CALN1: variants seen among roughly 807,000 people sequenced by gnomAD.
CALN1 encodes calcium-binding protein 8.
Under a neutral mutation model 30.6 loss-of-function variants are expected in CALN1, and 17 were observed. The observed-to-expected ratio is 0.56, with a 90% CI of 0.38 to 0.83. CALN1 has a LOEUF of 0.83. Ranked by LOEUF, CALN1 falls within the 40% of genes least tolerant of loss-of-function variation. The probability of loss-of-function intolerance (pLI) is 0.00; values close to 1 mark genes in which losing one functional copy is unlikely to be tolerated. For synonymous variants in CALN1, 156 were observed against 131.4 expected (o/e 1.19, Z -1.28); for missense variants, 291 against 354.9 (o/e 0.82, Z 1.45).
At chr7:72,336,550 C>T (rs996919662) in intron 2 of CALN1, among the ~76,000 whole-genome samples, 10 of 152,122 alleles carry the variant, frequency 6.6e-5, no homozygotes, top group East Asian at 1.9e-4. Flanking sequence ...CCAACAGGTA[C>T]GGGAGGCGCT....
chr7:72,283,331 C>T (rs1585354934), intron 2 of CALN1, among the ~76,000 whole-genome samples: 2 of 152,130 alleles, frequency 1.3e-5, no homozygotes, highest in South Asian at 2.1e-4. Context: ...TCCAGACCAG[C>T]CTGGGCAACA....
At chr7:72,109,976 C>CA (rs1296155058) in intron 3 of CALN1, among the ~76,000 whole-genome samples, 2 of 152,222 alleles carry the variant, frequency 1.3e-5, no homozygotes, top group Non-Finnish European at 2.9e-5. Context: ...CAGAGGATGA[C>CA]AAGGTCTGCG....
intron 5 of CALN1, among the ~76,000 whole-genome samples, chr7:71,956,839 G>A (rs1009168066): frequency 6.6e-6 from 1 of 152,006 alleles, no homozygotes; most frequent in African/African-American, 2.4e-5. Context: ...TGGAATTACA[G>A]GCACCCACCA....
At chr7:72,454,429 G>A in the CALN1 span, among the ~76,000 whole-genome samples, 135 of 152,232 alleles carry the variant, frequency 8.9e-4, 1 homozygote, top group South Asian at 3.5e-3. Context: ...CTGTCCCACT[G>A]GGCTGTCTGC....
chr7:71,977,083 A>G (rs1798137079), intron 5 of CALN1, among the ~76,000 whole-genome samples: 1 of 152,188 alleles, frequency 6.6e-6, no homozygotes, highest in Non-Finnish European at 1.5e-5. Context: ...TTGACTTTCC[A>G]TATAAAGCTT....
intron 5 of CALN1, among the ~76,000 whole-genome samples, chr7:71,960,239 C>T (rs1382745746): frequency 6.6e-6 from 1 of 151,938 alleles, no homozygotes; most frequent in Non-Finnish European, 1.5e-5. Context: ...ATGCAGGTTT[C>T]TTACATGTAT....
intron 2 of CALN1, among the ~76,000 whole-genome samples, chr7:72,293,815 G>A (rs1189428978): frequency 2.6e-5 from 4 of 152,098 alleles, no homozygotes; most frequent in Admixed American, 6.6e-5. Flanking sequence ...ACAGTTTACC[G>A]GCCAGGCACG....
At chr7:71,823,524 C>A (rs1367362119) in intron 5 of CALN1, among the ~76,000 whole-genome samples, 2 of 152,074 alleles carry the variant, frequency 1.3e-5, no homozygotes, top group Non-Finnish European at 2.9e-5. Flanking sequence ...TCGAGACCAG[C>A]CTGGCCAATA....
rs367995438 is a variant in CALN1, at chr7:72,104,530, A to G, written c.388+1621T>C. ...GTATTAAGCCCAGCACCCATTAGCT[A>G]TTCTTCCCAATGCTCTCCCTCCCCA... On this transcript the variant is annotated intron_variant, in intron 4 of 6. Transcript: ENST00000395275. 2.8e-4 allele frequency among the ~76,000 whole-genome samples: 43 copies of G among 152,144 alleles called. 1 individual carries two copies. The South Asian group carries it at 5.4e-3, about 19-fold the overall frequency.
At chr7:72,400,777 T>C (rs1205088972) in intron 2 of CALN1, among the ~76,000 whole-genome samples, 1 of 152,152 alleles carries the variant, frequency 6.6e-6, no homozygotes, top group Non-Finnish European at 1.5e-5. Flanking sequence ...TGGCCTTAGA[T>C]TTCATGAGAC....
chr7:72,093,968 T>A (rs1368417851), intron 4 of CALN1, among the ~76,000 whole-genome samples: 1 of 152,132 alleles, frequency 6.6e-6, no homozygotes, highest in Non-Finnish European at 1.5e-5. Context: ...CTCTTACAGC[T>A]CAGACAAGAT....
intron 3 of CALN1, among the ~76,000 whole-genome samples, chr7:72,144,795 A>T (rs1159465491): frequency 6.6e-6 from 1 of 152,230 alleles, no homozygotes; most frequent in African/African-American, 2.4e-5. Context: ...AGTGCAATCA[A>T]ATTAGAACTT....
chr7:71,936,422 A>G (rs953971817), intron 5 of CALN1, among the ~76,000 whole-genome samples: 1 of 145,042 alleles, frequency 6.9e-6, no homozygotes, highest in Non-Finnish European at 1.5e-5. Context: ...AAAAAAAAAG[A>G]TGAGCGTAGA....
At chr7:72,390,274 C>CA (rs1018455017) in intron 2 of CALN1, among the ~76,000 whole-genome samples, 4 of 150,866 alleles carry the variant, frequency 2.7e-5, no homozygotes, top group South Asian at 2.1e-4. Context: ...ACTAAAAATA[C>CA]AAAAAAATTA....
chr7:71,958,201 A>G (rs1262656504), intron 5 of CALN1, among the ~76,000 whole-genome samples: 1 of 152,132 alleles, frequency 6.6e-6, no homozygotes, highest in Non-Finnish European at 1.5e-5. Flanking sequence ...TCATCTTAAT[A>G]GCGTACATTG....
Position 71,971,692 on chromosome 7 carries a change from C to G in CALN1, c.501+51965G>C, listed in dbSNP as rs376693695. Among the ~76,000 whole-genome samples the G allele has an allele frequency of 1.7e-4, 26 of 151,450 alleles. No homozygotes were observed. The South Asian group carries it at 5.4e-3, about 32-fold the overall frequency. On this transcript the variant is annotated intron_variant, in intron 5 of 6. Coordinates refer to ENST00000395275, the MANE Select transcript of CALN1 (RefSeq NM_031468.4). The stretch of plus-strand genomic sequence containing the variant: ...GCAGGGGGATCACTTGAGCCTGGGA[C>G]TTTGAGAACAGCCCGGGCAACATGG...
intron 5 of CALN1, among the ~76,000 whole-genome samples, chr7:71,845,243 T>C (rs1790161916): frequency 6.6e-6 from 1 of 152,164 alleles, no homozygotes; most frequent in Non-Finnish European, 1.5e-5. Flanking sequence ...ACAAGCTAAG[T>C]CTGAAAAACA....
At chr7:72,085,665 T>C (rs1044079190) in intron 4 of CALN1, among the ~76,000 whole-genome samples, 3 of 152,184 alleles carry the variant, frequency 2.0e-5, no homozygotes, top group Non-Finnish European at 4.4e-5. Context: ...CTTGGGGTAA[T>C]AGAAATGTTT....
At chr7:72,054,445 A>ACATATATACACATATATC (rs1803069235) in intron 4 of CALN1, among the ~76,000 whole-genome samples, 1 of 56,234 alleles carries the variant, frequency 1.8e-5, no homozygotes, top group African/African-American at 5.5e-5. Flanking sequence ...ATATATATAT[A>ACATATATACACATATATC]TACATATATA....
Sources: allele counts gnomAD v4.1 joint callset (sites outside exome capture counted in the v4.1 genomes callset), GRCh38; gene constraint gnomAD v4.1.1; transcripts MANE v1.5; gene names NCBI Gene and HGNC (gene_info 2026-07-23, HGNC 2026-07-21).